Variants in SCGB2B2 observed in about 807,000 individuals in gnomAD.
SCGB2B2 encodes secretoglobin-like protein.
Under a neutral mutation model 7.6 loss-of-function variants are expected in SCGB2B2, and 11 were observed. The observed-to-expected ratio is 1.45, with a 90% CI of 0.91 to 2.40. SCGB2B2 has a LOEUF of 2.40. Ranked by LOEUF, SCGB2B2 falls within the 30% of genes most tolerant of loss-of-function variation. The pLI is 0.00. For synonymous variants in SCGB2B2, 50 were observed against 48.6 expected, an observed-to-expected ratio of 1.03 and a Z score of -0.12; for missense variants, 104 against 115.4, an observed-to-expected ratio of 0.90 and a Z score of 0.45.
chr19:34,645,519 CACACAGACACACACAGACACAG>C (rs1234410620), intron 1 of SCGB2B2: 3,323 of 79,256 alleles, frequency 0.042, 104 homozygotes, highest in African/African-American at 0.16. Flanking sequence ...CACACAGACA[CACACAGACACACACAGACACAG>C]ACACACACAC....
At chr19:34,612,361 G>C (rs542083881) in intron 1 of SCGB2B2, among the ~76,000 whole-genome samples, 2 of 152,136 alleles carry the variant, frequency 1.3e-5, no homozygotes, top group African/African-American at 4.8e-5. Flanking sequence ...TTATTGATTT[G>C]TAGTGTTATT....
chr19:34,665,449 G>A (rs943519053), intron 1 of SCGB2B2, among the ~76,000 whole-genome samples: 1 of 152,168 alleles, frequency 6.6e-6, no homozygotes, highest in African/African-American at 2.4e-5. Flanking sequence ...CTGGCCACCA[G>A]CCACCACCAT....
chr19:34,659,291 G>A (rs562988193), intron 1 of SCGB2B2, among the ~76,000 whole-genome samples: 39 of 152,270 alleles, frequency 2.6e-4, no homozygotes, highest in African/African-American at 8.9e-4. Flanking sequence ...TCTGGCCAGG[G>A]CAATAAGGCA....
At chr19:34,641,535 G>C (rs2066841029) in intron 1 of SCGB2B2, among the ~76,000 whole-genome samples, 1 of 152,200 alleles carries the variant, frequency 6.6e-6, no homozygotes, top group Non-Finnish European at 1.5e-5. Flanking sequence ...AGTCCTCGTG[G>C]AGCTGGTTTG....
intron 1 of SCGB2B2, among the ~76,000 whole-genome samples, chr19:34,631,834 T>A (rs1330010471): frequency 6.6e-6 from 1 of 151,448 alleles, no homozygotes; most frequent in African/African-American, 2.4e-5. Flanking sequence ...ACAGAAAAAA[T>A]TTGAAAAGAA....
chr19:34,593,516 G>A lies in SCGB2B2; in HGVS notation c.*39C>T. The A allele has an allele frequency of 4.0e-6, 6 of 1,511,968 alleles. No individual in the cohort carries two copies. The highest frequency in any genetic ancestry group is 5.4e-6 in the Non-Finnish European group (6 of 1,112,556). 93.7% of individuals were successfully genotyped at this position (1,511,968 alleles called of 1,614,324 possible). ...CAGGAACGCGGGGAGCCCCAAGGAAGGCAGGAGGGCCAATATCTGATCTGC... is the reference window on the plus strand; with the variant it reads ...CAGGAACGCGGGGAGCCCCAAGGAAAGCAGGAGGGCCAATATCTGATCTGC... On this transcript the variant is annotated 3_prime_UTR_variant, in exon 4 of 4. Transcript: ENST00000601241.
At chr19:34,646,637 C>T (rs1417268313) in intron 1 of SCGB2B2, 1 of 152,396 alleles carries the variant, frequency 6.6e-6, no homozygotes, top group Non-Finnish European at 1.5e-5. Context: ...ATTTCTTTCC[C>T]AACAGTCTAG....
At position 34,640,484 on chromosome 19, in the gene SCGB2B2, C is replaced by G. The variant is rs555345865; in HGVS notation, c.-2032+35146G>C. On this transcript the variant is annotated intron_variant, in intron 1 of 3. Transcript: ENST00000601241. ...CAAACTGAGTGCTGTATCTACACTT[C>G]CCCTGATTTTGCTACTATGGAAAGC... 2.6e-5 allele frequency: 4 copies of G among 152,222 alleles called. No individual in the cohort carries two copies. The South Asian group carries it at 8.3e-4, about 32-fold the overall frequency. 9.4% of individuals were successfully genotyped at this position (152,222 alleles called of 1,614,324 possible).
At chr19:34,667,742 G>A (rs544347086) in intron 1 of SCGB2B2, among the ~76,000 whole-genome samples, 1 of 151,878 alleles carries the variant, frequency 6.6e-6, no homozygotes, top group South Asian at 2.1e-4. Flanking sequence ...CAAGAACCTG[G>A]AGACCCTCCT....
At chr19:34,637,336 T>C (rs977223706) in intron 1 of SCGB2B2, among the ~76,000 whole-genome samples, 7 of 152,152 alleles carry the variant, frequency 4.6e-5, no homozygotes, top group African/African-American at 1.2e-4. Context: ...AGTCCAGCCC[T>C]GGCACCCACA....
At chr19:34,588,103 A>G (rs1226790466), downstream of SCGB2B2, among the ~76,000 whole-genome samples, 4 of 152,246 alleles carry the variant, frequency 2.6e-5, no homozygotes, top group East Asian at 7.7e-4. Flanking sequence ...AAGAATTGCT[A>G]TTAATTCCTC....
chr19:34,675,154 AAG>A (rs1317524001), intron 1 of SCGB2B2, among the ~76,000 whole-genome samples: 2 of 152,222 alleles, frequency 1.3e-5, no homozygotes, highest in Non-Finnish European at 2.9e-5. Flanking sequence ...AAGTTTCACA[AAG>A]AGAGTGTTGG....
chr19:34,635,014 G>A (rs188690128), intron 1 of SCGB2B2: 3 of 294,256 alleles, frequency 1.0e-5, no homozygotes, highest in African/African-American at 4.5e-5. Context: ...GCACTTATAA[G>A]GCCTTTCTCC....
chr19:34,588,879 G>T (rs2065240095), downstream of SCGB2B2, among the ~76,000 whole-genome samples: 1 of 84,754 alleles, frequency 1.2e-5, no homozygotes. Context: ...AAGGTCAAGT[G>T]TTGGAACCAC....
intron 1 of SCGB2B2, chr19:34,645,535 GACACAGACACACACACACACACAC>G (rs1343023610): frequency 1.2e-4 from 16 of 138,516 alleles, no homozygotes; most frequent in Non-Finnish European, 2.0e-4. Flanking sequence ...GACACACACA[GACACAGACACACACACACACACAC>G]ACACACACAC....
At chr19:34,636,845 C>A (rs866323832) in intron 1 of SCGB2B2, among the ~76,000 whole-genome samples, 2 of 152,140 alleles carry the variant, frequency 1.3e-5, no homozygotes, top group African/African-American at 4.8e-5. Flanking sequence ...CAGTCCCCGC[C>A]AGAGTCCCTC....
At chr19:34,594,428 G>T in intron 2 of SCGB2B2, 69 bp from the exon 3 acceptor site, 1 of 1,591,538 alleles carries the variant, frequency 6.3e-7, no homozygotes, top group South Asian at 1.1e-5. Flanking sequence ...CATGGCCAAT[G>T]AGACCTTGGG....
Position 34,623,993 on chromosome 19 carries a change from A to G in SCGB2B2, c.-2031-27399T>C, listed in dbSNP as rs1249248665. Among the ~76,000 whole-genome samples the G allele has an allele frequency of 5.9e-5, 9 of 152,326 alleles. No individual in the cohort carries two copies. The East Asian group carries it at 1.5e-3, about 26-fold the overall frequency. ...TAGGGCATGAGGTCTGATCACTTAT[A>G]GAGGGATGCAGGAGGAAAAAGAGTT... is the stretch of plus-strand genomic sequence containing the variant. On this transcript the variant is annotated intron_variant, in intron 1 of 3. Transcript: ENST00000601241.
intron 1 of SCGB2B2, among the ~76,000 whole-genome samples, chr19:34,602,200 G>T (rs1177761694): frequency 6.6e-6 from 1 of 152,164 alleles, no homozygotes; most frequent in African/African-American, 2.4e-5. Flanking sequence ...TTAATAAAAT[G>T]TGCATATAGT....
Sources: allele counts gnomAD v4.1 joint callset (sites outside exome capture counted in the v4.1 genomes callset), GRCh38; gene constraint gnomAD v4.1.1; transcripts MANE v1.5; gene names NCBI Gene and HGNC (gene_info 2026-07-23, HGNC 2026-07-21).